The following BRD1 variants were observed in gnomAD, a reference collection of about 807,000 sequenced individuals.
The protein encoded by BRD1 is bromodomain-containing protein 1.
Under a neutral mutation model 107.7 loss-of-function variants are expected in BRD1, and 24 were observed. The observed-to-expected ratio is 0.22, with a 90% confidence interval of 0.16 to 0.31. The LOEUF is 0.31. BRD1 is among the 10% of genes least tolerant of loss of function. The probability of loss-of-function intolerance (pLI) is 1.00; values close to 1 mark genes in which losing one functional copy is unlikely to be tolerated. For missense variants in BRD1, 1,279 were observed against 1,638.6 expected, an observed-to-expected ratio of 0.78 and a Z score of 3.79; for synonymous variants, 744 against 686.1, an observed-to-expected ratio of 1.08 and a Z score of -1.32.
intron 8 of BRD1, 96 bp downstream of exon 8, chr22:49,787,294 T>C: frequency 8.0e-7 from 1 of 1,245,132 alleles, no homozygotes. Flanking sequence ...AAACAGAAGC[T>C]GGACACCCCC....
intron 2 of BRD1, among the ~76,000 whole-genome samples, chr22:49,814,350 G>C (rs17001321): frequency 0.033 from 4,993 of 152,304 alleles, 174 homozygotes; most frequent in African/African-American, 0.083. Context: ...GCGAGGTGGA[G>C]GACGCCGTGC....
chr22:49,815,738 G>A (rs907301958), intron 2 of BRD1, among the ~76,000 whole-genome samples: 1 of 152,194 alleles, frequency 6.6e-6, no homozygotes, highest in Non-Finnish European at 1.5e-5. Flanking sequence ...CGGCATTCAG[G>A]TCTGTTCCTC....
chr22:49,805,851 C>G (rs901325112), intron 2 of BRD1: 2 of 151,826 alleles, frequency 1.3e-5, no homozygotes, highest in Non-Finnish European at 2.9e-5. Context: ...AAGCGATTCT[C>G]CTGCCTCAGC....
intron 3 of BRD1, among the ~76,000 whole-genome samples, chr22:49,801,415 C>G (rs2059638514): frequency 6.6e-6 from 1 of 152,218 alleles, no homozygotes; most frequent in African/African-American, 2.4e-5. Context: ...CAGGGTCAGG[C>G]TGGGGCAGGT....
At chr22:49,800,818 C>T (rs141067779) in intron 3 of BRD1, among the ~76,000 whole-genome samples, 2 of 152,378 alleles carry the variant, frequency 1.3e-5, no homozygotes, top group South Asian at 2.1e-4. Flanking sequence ...AGTGAAGAAG[C>T]ACTCAGGCAT....
At chr22:49,820,626 A>T (rs900821454) in intron 2 of BRD1, among the ~76,000 whole-genome samples, 1 of 152,166 alleles carries the variant, frequency 6.6e-6, no homozygotes, top group Non-Finnish European at 1.5e-5. Flanking sequence ...ATAAAAAATA[A>T]GAAGCTTCAC....
At chr22:49,801,712 C>T (rs376181889) in intron 3 of BRD1, among the ~76,000 whole-genome samples, 4 of 152,352 alleles carry the variant, frequency 2.6e-5, no homozygotes, top group East Asian at 3.9e-4. Context: ...TCCTTACAAA[C>T]GTATTCTGCA....
Position 49,824,263 on chromosome 22 carries a change from G to T in BRD1, c.55C>A (p.Pro19Thr). ...GTAGGGGAGTGTTTAACACTGCATG[G>T]GGAAGAAGGATGCCTCGCTGCAGAG... ...RGSAARHPSS[P>T]CSVKHSPTRE... Residue 19 changes from proline (P) to threonine (T), a missense_variant, in exon 2 of 13, where the codon CCA (proline) becomes ACA (threonine). Around this residue, in one of 7 missense-constraint regions of BRD1, gnomAD observed 223 missense variants for 263.5 expected, o/e 0.85. Coordinates refer to ENST00000404760, the MANE Select transcript of BRD1 (RefSeq NM_001304808.3). This position sits in a 1 kb window ranked among gnomAD's most constrained non-coding sequence, Gnocchi z 5.9. 1 of 1,613,964 alleles carries T rather than the reference G, an allele frequency of 6.2e-7. No individual in the cohort carries two copies. The highest frequency in any genetic ancestry group is 8.5e-7 in the Non-Finnish European group (1 of 1,180,000).
At chr22:49,810,777 G>C (rs920768066) in intron 2 of BRD1, among the ~76,000 whole-genome samples, 1 of 152,090 alleles carries the variant, frequency 6.6e-6, no homozygotes, top group African/African-American at 2.4e-5. Flanking sequence ...CCATGGAATG[G>C]GTATCATCAA....
Position 49,777,782 on chromosome 22 carries a change from G to A in BRD1, c.2889C>T (p.Ser963=), listed in dbSNP as rs369440109. 75 of 1,603,904 alleles carry A rather than the reference G, an allele frequency of 4.7e-5. No homozygotes were observed. Among genetic ancestry groups the A allele is most frequent in the Non-Finnish European group, 5.9e-5 (69 of 1,177,968 alleles). ...GLTNGFGGAR[S]EQEPGGGLGR... is the part of the protein sequence containing the mutation. ...CCAGGCCGCCGCCCGGCTCCTGCTCGCTCCTCGCACCCCCAAAGCCGTTGG... is the reference window on the plus strand; with the variant it reads ...CCAGGCCGCCGCCCGGCTCCTGCTCACTCCTCGCACCCCCAAAGCCGTTGG... The change falls in exon 9 of 13, where the codon AGC becomes AGT. Residue 963 remains serine, a synonymous_variant. Transcript: ENST00000404760.
chr22:49,804,400 TTAAGA>T (rs747394199), intron 2 of BRD1, 40 bp from the exon 3 acceptor site: 3 of 1,550,468 alleles, frequency 1.9e-6, no homozygotes, highest in Non-Finnish European at 1.8e-6. Context: ...AAGCAGTACA[TTAAGA>T]TGTTTCATCA....
intron 3 of BRD1, 91 bp from the exon 4 acceptor site, chr22:49,799,210 T>C: frequency 6.6e-7 from 1 of 1,515,400 alleles, no homozygotes; most frequent in Non-Finnish European, 8.9e-7. Context: ...CCAAGAGGCA[T>C]CCACGTCAGG....
In BRD1 at chr22:49,773,723, G is replaced by C. The variant is rs543591596; in HGVS notation, c.*510C>G. On this transcript the variant is annotated 3_prime_UTR_variant, in exon 13 of 13. Coordinates refer to ENST00000404760, the MANE Select transcript of BRD1 (RefSeq NM_001304808.3). Reference sequence around the variant, plus strand: ...GTTTGAGGTGGGCGGGACGACGGGAGCGGGGACACACCCACCGGCGGTCAC... The same window carrying C: ...GTTTGAGGTGGGCGGGACGACGGGACCGGGGACACACCCACCGGCGGTCAC... 1 of 152,692 alleles carries C rather than the reference G, an allele frequency of 6.5e-6. No homozygotes were observed. The highest frequency in any genetic ancestry group is 1.5e-5 in the Non-Finnish European group (1 of 68,130). 9.5% of individuals were successfully genotyped at this position (152,692 alleles called of 1,614,324 possible). A position where few individuals can be genotyped will look rare whatever the true frequency, so the allele number is the denominator to read the frequency against.
intron 3 of BRD1, among the ~76,000 whole-genome samples, chr22:49,800,806 GA>G (rs1318792547): frequency 1.3e-5 from 2 of 152,254 alleles, no homozygotes; most frequent in Non-Finnish European, 2.9e-5. Flanking sequence ...AGAAAGGACA[GA>G]AGTGAAGAAG....
At chr22:49,777,642 G>A (rs1324497816) in intron 9 of BRD1, 36 bp downstream of exon 9, 1 of 1,590,440 alleles carries the variant, frequency 6.3e-7, no homozygotes, top group Non-Finnish European at 8.5e-7. Context: ...GGTGCTGGGA[G>A]CTGCGTGGTG....
At chr22:49,819,898 G>A (rs887776242) in intron 2 of BRD1, among the ~76,000 whole-genome samples, 36 of 152,058 alleles carry the variant, frequency 2.4e-4, no homozygotes, top group African/African-American at 1.4e-4. Flanking sequence ...GGGAGTTCGA[G>A]GCGGGTGGAT....
chr22:49,822,417 C>G (rs1363524257), intron 2 of BRD1, among the ~76,000 whole-genome samples: 2 of 151,048 alleles, frequency 1.3e-5, no homozygotes, highest in African/African-American at 4.9e-5. Context: ...GAGCAAAACC[C>G]TATTTAAAAA....
chr22:49,799,063 C>T lies in BRD1; in HGVS notation c.1581G>A (p.Arg527=), dbSNP rs1334443487. Residue 527 remains arginine, a synonymous_variant, in exon 4 of 13, where the codon CGG becomes CGA. Coordinates refer to ENST00000404760, the MANE Select transcript of BRD1 (RefSeq NM_001304808.3). The stretch of plus-strand genomic sequence containing the variant: ...GAGCGCGCTCCAGGTCGTGCCGCAG[C>T]CGCTGCCAGTACTTCAGCTTCTCTT... ...AAKEKLKYWQ[R]LRHDLERARL... 3 of 1,611,152 alleles carry T rather than the reference C, an allele frequency of 1.9e-6. No homozygotes were observed. Among genetic ancestry groups the T allele is most frequent in the Non-Finnish European group, 2.5e-6 (3 of 1,179,972 alleles).
In BRD1 at chr22:49,791,232, C is replaced by T. The variant is rs73891107; in HGVS notation, c.2359+2802G>A. ...CACAGCAACAGCCCGAACCTCTGCA[C>T]TCGGCAGACTGAGTCGCGGCTACGG... is the stretch of plus-strand genomic sequence containing the variant. On this transcript the variant is annotated intron_variant, in intron 7 of 12. Coordinates refer to ENST00000404760, the MANE Select transcript of BRD1 (RefSeq NM_001304808.3). Among the ~76,000 whole-genome samples the T allele has an allele frequency of 4.3e-3, 649 of 152,374 alleles. 4 individuals are homozygous for T. The highest frequency in any genetic ancestry group is 0.015 in the African/African-American group (621 of 41,584).
Sources: gnomAD v4.1 joint callset for allele counts (sites outside exome capture counted in the v4.1 genomes callset) on GRCh38, gnomAD v4.1.1 for gene constraint, gnomAD v4.1.1 regional missense constraint, Gnocchi (gnomAD v3.1) non-coding constraint, MANE v1.5 for transcripts, NCBI Gene and HGNC (gene_info 2026-07-23, HGNC 2026-07-21) for gene names.